The following CLCN3 variants were observed in gnomAD, a reference collection of about 807,000 sequenced individuals.
CLCN3 encodes the protein Cl-/H+ antiporter 3.
In CLCN3, 16 loss-of-function variants were observed where a neutral mutation model predicts 83.4. The observed-to-expected ratio is 0.19, with a 90% CI of 0.13 to 0.29. The LOEUF (loss-of-function observed/expected upper bound fraction) is 0.29, where lower values mean the gene tolerates loss of function less well. Among genes scored for constraint, CLCN3 ranks in the 10% least tolerant of loss-of-function variants. The pLI is 1.00. For synonymous variants in CLCN3, 322 were observed against 346.2 expected (o/e 0.93, Z 0.78); for missense variants, 544 against 1,006.0 (o/e 0.54, Z 6.21).
At chr4:169,673,178 C>T (rs2150231474) in intron 2 of CLCN3, among the ~76,000 whole-genome samples, 1 of 152,126 alleles carries the variant, frequency 6.6e-6, no homozygotes, top group East Asian at 1.9e-4. Context: ...GCATGTTTGA[C>T]AGAACAAATT....
intron 2 of CLCN3, chr4:169,660,231 A>T (rs774457969): frequency 1.2e-5 from 14 of 1,213,476 alleles, no homozygotes; most frequent in Non-Finnish European, 1.4e-5. Context: ...TGCTTCAGCG[A>T]GTCGAACTAC....
chr4:169,704,280 G>C (rs1381369916), intron 10 of CLCN3, 96 bp downstream of exon 10: 15 of 1,183,968 alleles, frequency 1.3e-5, no homozygotes, highest in Non-Finnish European at 1.8e-5. Flanking sequence ...TGGGCGGATT[G>C]GTTGAGTAAA....
intron 2 of CLCN3, among the ~76,000 whole-genome samples, chr4:169,673,393 C>T (rs1298900467): frequency 6.6e-6 from 1 of 152,198 alleles, no homozygotes; most frequent in African/African-American, 2.4e-5. Context: ...CCTTTTTCTA[C>T]CTCATAAAAA....
chr4:169,697,774 A>G lies in CLCN3; in HGVS notation c.1563+40A>G, dbSNP rs189268651. ...GAGGTGATATTTGGGTAATTTTGGCATGTTCAAAACTTATATGTGGAATGA... is the reference window on the plus strand; with the variant it reads ...GAGGTGATATTTGGGTAATTTTGGCGTGTTCAAAACTTATATGTGGAATGA... On this transcript the variant is annotated intron_variant, in intron 9 of 12. Transcript: ENST00000513761. 2.4e-4 allele frequency: 340 copies of G among 1,423,490 alleles called. 1 individual carries two copies. In the Admixed American group the frequency reaches 6.0e-3, roughly 25 times the overall value. The allele number at this position is 1,423,490 out of a possible 1,614,324, so 88.2% of individuals were successfully genotyped here. A position where few individuals can be genotyped will look rare whatever the true frequency, so the allele number is the denominator to read the frequency against.
At chr4:169,653,236 G>A (rs1378984020) in intron 2 of CLCN3, among the ~76,000 whole-genome samples, 1 of 150,556 alleles carries the variant, frequency 6.6e-6, no homozygotes, top group Admixed American at 6.6e-5. Context: ...ATTTGTATAT[G>A]TGTGTGTGTG....
intron 11 of CLCN3, among the ~76,000 whole-genome samples, chr4:169,707,676 CTT>C (rs1165208174): frequency 3.3e-5 from 5 of 152,128 alleles, no homozygotes; most frequent in African/African-American, 9.7e-5. Context: ...TCATCAGTCT[CTT>C]TCATATTAGA....
chr4:169,636,929 T>G (rs991573840), intron 2 of CLCN3, among the ~76,000 whole-genome samples: 8 of 152,042 alleles, frequency 5.3e-5, no homozygotes, highest in Non-Finnish European at 1.0e-4. Context: ...CTTTTTTTTT[T>G]GTCAATTACC....
chr4:169,659,094 A>C lies in CLCN3; in HGVS notation c.161-20956A>C, dbSNP rs148403164. 1.9e-3 allele frequency among the ~76,000 whole-genome samples: 284 copies of C among 152,134 alleles called. 1 individual carries two copies. Among genetic ancestry groups the C allele is most frequent in the African/African-American group, 6.7e-3 (279 of 41,528 alleles). ...TTGTCTCATTCAATACTTTAGGAAA[A>C]CAAATTTTATAGAACCCTTGAGTTC... On this transcript the variant is annotated intron_variant, in intron 2 of 12. Transcript: ENST00000513761.
chr4:169,630,677 C>T (rs1560826209), intron 1 of CLCN3, among the ~76,000 whole-genome samples: 1 of 148,554 alleles, frequency 6.7e-6, no homozygotes, highest in Non-Finnish European at 1.5e-5. Flanking sequence ...ATTACAGACA[C>T]CTGCCATCAC....
chr4:169,621,423 T>G (rs542967872), intron 1 of CLCN3, among the ~76,000 whole-genome samples: 2 of 152,328 alleles, frequency 1.3e-5, no homozygotes, highest in South Asian at 4.1e-4. Context: ...TGTAAAATAT[T>G]TTTTGTGTAT....
At chr4:169,631,115 GT>G (rs1301927366) in intron 1 of CLCN3, among the ~76,000 whole-genome samples, 15 of 152,134 alleles carry the variant, frequency 9.9e-5, no homozygotes, top group Admixed American at 3.9e-4. Context: ...AGCATCTGTT[GT>G]TTTTTGGCTT....
intron 1 of CLCN3, among the ~76,000 whole-genome samples, chr4:169,628,172 C>G (rs1303370711): frequency 6.6e-6 from 1 of 152,090 alleles, no homozygotes; most frequent in Non-Finnish European, 1.5e-5. Context: ...TAAAATGGAT[C>G]ACAGACTGAA....
chr4:169,637,905 A>G (rs1426911901), intron 2 of CLCN3, among the ~76,000 whole-genome samples: 1 of 152,100 alleles, frequency 6.6e-6, no homozygotes, highest in African/African-American at 2.4e-5. Context: ...AAGTGGCTAT[A>G]TTTTTGTAGA....
At chr4:169,624,268 G>A (rs10021041) in intron 1 of CLCN3, among the ~76,000 whole-genome samples, 35,173 of 151,968 alleles carry the variant, frequency 0.23, 4,247 homozygotes, top group South Asian at 0.31. Context: ...GGAGTAGCTG[G>A]GATTACAGGC....
chr4:169,679,672 C>G (rs113446137), intron 2 of CLCN3, among the ~76,000 whole-genome samples: 5,752 of 152,264 alleles, frequency 0.038, 143 homozygotes, highest in South Asian at 0.082. Context: ...GCAGATCACT[C>G]GAGGTCAGGA....
Position 169,690,612 on chromosome 4 carries a change from A to G in CLCN3, c.689A>G (p.Lys230Arg), listed in dbSNP as rs753538599. The change falls in exon 6 of 13, where the codon AAG (lysine) becomes AGG (arginine). Residue 230 changes from lysine to arginine, a missense_variant. Around this residue, in one of 6 missense-constraint regions of CLCN3, gnomAD observed 96 missense variants for 202.1 expected, o/e 0.48. Transcript: ENST00000513761. Reference sequence around the variant, plus strand: ...GCCTTTCTTGCAGTTTCCCTGGTAAAGGTATTTGCTCCATATGCCTGTGGC... The same window carrying G: ...GCCTTTCTTGCAGTTTCCCTGGTAAGGGTATTTGCTCCATATGCCTGTGGC... ...SFAFLAVSLV[K>R]VFAPYACGSG... The G allele has an allele frequency of 5.6e-6, 9 of 1,613,638 alleles. No individual in the cohort carries two copies. In the South Asian group the frequency reaches 7.7e-5, roughly 14 times the overall value.
chr4:169,675,243 T>C (rs1260569237), intron 2 of CLCN3, among the ~76,000 whole-genome samples: 1 of 152,248 alleles, frequency 6.6e-6, no homozygotes, highest in African/African-American at 2.4e-5. Context: ...TAGTTAATAG[T>C]ATTGGCATCG....
At chr4:169,686,823 C>A (rs1732178441) in intron 3 of CLCN3, among the ~76,000 whole-genome samples, 1 of 152,108 alleles carries the variant, frequency 6.6e-6, no homozygotes, top group African/African-American at 2.4e-5. Context: ...GTGAGACTTA[C>A]CTTCTTGTGT....
chr4:169,704,276 G>T, intron 10 of CLCN3, 92 bp downstream of exon 10: 2 of 1,201,466 alleles, frequency 1.7e-6, no homozygotes, highest in Non-Finnish European at 1.2e-6. Context: ...TTGGTGGGCG[G>T]ATTGGTTGAG....
Sources: allele counts gnomAD v4.1 joint callset (sites outside exome capture counted in the v4.1 genomes callset), GRCh38; gene constraint gnomAD v4.1.1; regional missense constraint gnomAD v4.1.1; transcripts MANE v1.5; gene names NCBI Gene and HGNC (gene_info 2026-07-23, HGNC 2026-07-21).